The following GDPD5 variants were observed in gnomAD, a reference collection of about 807,000 sequenced individuals.
GDPD5 encodes the protein glycerophosphodiester phosphodiesterase domain containing 5.
A neutral mutation model predicts 75.1 loss-of-function variants in GDPD5; 48 were observed. That is an observed-to-expected ratio of 0.64 (90% CI 0.51 to 0.81). The LOEUF is 0.81. GDPD5 is among the 40% of genes least tolerant of loss of function. The pLI is 0.00. For missense variants in GDPD5, 706 were observed against 822.6 expected, an observed-to-expected ratio of 0.86 and a Z score of 1.73; for synonymous variants, 336 against 339.0, an observed-to-expected ratio of 0.99 and a Z score of 0.10.
chr11:75,457,671 C>A (rs1949313379), intron 5 of GDPD5, 22 bp downstream of exon 5: 1 of 1,610,458 alleles, frequency 6.2e-7, no homozygotes, highest in East Asian at 2.2e-5. Context: ...GGCCACCTGC[C>A]CTCCAAAACA....
intron 13 of GDPD5, 101 bp downstream of exon 13, chr11:75,441,545 T>G: frequency 2.4e-5 from 2 of 84,690 alleles, no homozygotes; most frequent in Non-Finnish European, 5.0e-5. Flanking sequence ...TGCCCGACCG[T>G]GTGTGTGTGT....
At chr11:75,477,554 C>T (rs1949804395) in intron 3 of GDPD5, 65 bp downstream of exon 3, 2 of 1,046,784 alleles carry the variant, frequency 1.9e-6, no homozygotes, top group Non-Finnish European at 2.7e-6. Flanking sequence ...TAAGACCCCT[C>T]CCCCAGCCCC....
In GDPD5 at chr11:75,435,490, G is replaced by A. The variant is rs528344017; in HGVS notation, c.*17C>T. 1.3e-6 allele frequency: 2 copies of A among 1,579,424 alleles called. No homozygotes were observed. The highest frequency in any genetic ancestry group is 2.2e-5 in the East Asian group (1 of 44,468). The stretch of plus-strand genomic sequence containing the variant: ...CAGCTTCTGTGTCAGGTACAGGTGG[G>A]ACAGACATGTCTTCAGCTAACGCCC... On this transcript the variant is annotated 3_prime_UTR_variant, in exon 17 of 17. Transcript: ENST00000336898.
At chr11:75,464,535 G>A (rs1949478479) in intron 3 of GDPD5, among the ~76,000 whole-genome samples, 1 of 152,198 alleles carries the variant, frequency 6.6e-6, no homozygotes, top group East Asian at 1.9e-4. Flanking sequence ...TCCCAGGTGG[G>A]TCACTTCAGT....
In GDPD5 at chr11:75,449,975, C is replaced by T. The variant is rs1439242309; in HGVS notation, c.384G>A (p.Leu128=). ...CCACCGTGGAAGCCAGGATGACCAC[C>T]AGCCCGATCTGGAGGGGGAAGAGTC... The part of the protein sequence containing the change: ...MNLHWLHKIG[L]VVILASTVVA... Residue 128 remains leucine (L), a synonymous_variant, in exon 7 of 17, where the codon CTG becomes CTA. Coordinates refer to ENST00000336898, the MANE Select transcript of GDPD5 (RefSeq NM_030792.8). The T allele has an allele frequency of 3.7e-6, 6 of 1,613,480 alleles. No homozygotes were observed. The highest frequency in any genetic ancestry group is 1.3e-5 in the African/African-American group (1 of 74,934).
chr11:75,467,708 C>G (rs992439585), intron 3 of GDPD5, among the ~76,000 whole-genome samples: 4 of 151,946 alleles, frequency 2.6e-5, no homozygotes, highest in Non-Finnish European at 5.9e-5. Context: ...GATTCCTGCC[C>G]GAGGGGATGG....
At position 75,440,027 on chromosome 11, in the gene GDPD5, G is replaced by C. The variant is rs1948743324; in HGVS notation, c.1474-66C>G. On this transcript the variant is annotated intron_variant, in intron 14 of 16. Coordinates refer to ENST00000336898, the MANE Select transcript of GDPD5 (RefSeq NM_030792.8). ...AGTCCAGACTGAGGCTCCAGACTGA[G>C]GGTCCGTGGACCAAAGGACCCCACA... 3.1e-6 allele frequency: 4 copies of C among 1,305,022 alleles called. No homozygotes were observed. In the Admixed American group the frequency reaches 7.6e-5, roughly 25 times the overall value. The allele number at this position is 1,305,022 out of a possible 1,614,324, so 80.8% of individuals were successfully genotyped here.
At chr11:75,448,432 G>T in intron 9 of GDPD5, 7 of 957,598 alleles carry the variant, frequency 7.3e-6, no homozygotes, top group Non-Finnish European at 8.7e-6. Flanking sequence ...CCCACAGCTG[G>T]TGAGGAGCTG....
At chr11:75,503,203 A>AC (rs1277981117) in intron 1 of GDPD5, among the ~76,000 whole-genome samples, 1 of 152,158 alleles carries the variant, frequency 6.6e-6, no homozygotes, top group Non-Finnish European at 1.5e-5. Context: ...TATTTTTAAT[A>AC]GAGATGGGGG....
intron 2 of GDPD5, among the ~76,000 whole-genome samples, chr11:75,487,323 A>G (rs1357758504): frequency 1.3e-5 from 2 of 152,336 alleles, no homozygotes; most frequent in African/African-American, 4.8e-5. Context: ...TGGAATCTGC[A>G]GAGAAGGTAA....
intron 2 of GDPD5, among the ~76,000 whole-genome samples, chr11:75,480,152 T>G (rs1949875712): frequency 6.6e-6 from 1 of 152,088 alleles, no homozygotes; most frequent in Non-Finnish European, 1.5e-5. Context: ...CTGACTAACA[T>G]GGTGAAACCC....
At chr11:75,477,889 C>T in intron 2 of GDPD5, 94 bp from the exon 3 acceptor site, 1 of 497,106 alleles carries the variant, frequency 2.0e-6, no homozygotes. Context: ...GGGAGGGTCA[C>T]CCCTGCTCAA....
chr11:75,518,050 C>G (rs1950681033), intron 1 of GDPD5, among the ~76,000 whole-genome samples: 1 of 152,154 alleles, frequency 6.6e-6, no homozygotes, highest in Admixed American at 6.5e-5. Context: ...GGTGTTGATC[C>G]CACCCTAACC....
chr11:75,465,108 T>C (rs1369546502), intron 3 of GDPD5, among the ~76,000 whole-genome samples: 1 of 152,198 alleles, frequency 6.6e-6, no homozygotes, highest in East Asian at 1.9e-4. Flanking sequence ...GGGTGAACCA[T>C]GTCTTTAGAC....
At chr11:75,455,613 C>A (rs1949269210) in intron 6 of GDPD5, among the ~76,000 whole-genome samples, 1 of 152,242 alleles carries the variant, frequency 6.6e-6, no homozygotes, top group African/African-American at 2.4e-5. Flanking sequence ...TGGAGTCATT[C>A]TGGCCCCATC....
At chr11:75,464,313 G>T (rs1949473660) in intron 3 of GDPD5, among the ~76,000 whole-genome samples, 1 of 152,230 alleles carries the variant, frequency 6.6e-6, no homozygotes, top group South Asian at 2.1e-4. Context: ...TAGTACTTAT[G>T]CCATGGGGTT....
At chr11:75,470,721 C>T (rs1949643415) in intron 3 of GDPD5, among the ~76,000 whole-genome samples, 1 of 152,086 alleles carries the variant, frequency 6.6e-6, no homozygotes, top group Non-Finnish European at 1.5e-5. Context: ...CATCTTAATC[C>T]ATCTGGAATT....
chr11:75,442,907 T>A lies in GDPD5; in HGVS notation c.948+229A>T. 3 of 620,716 alleles carry A rather than the reference T, an allele frequency of 4.8e-6. No homozygotes were observed. In the East Asian group the frequency reaches 8.2e-5, roughly 17 times the overall value. The allele number at this position is 620,716 out of a possible 1,614,324, so 38.5% of individuals were successfully genotyped here. ...TTAAGAATTCTATTCACTGCTCTCA[T>A]CCCTGTCAACCTTTTCTAGTGAGGG... On this transcript the variant is annotated intron_variant, in intron 11 of 16. Transcript: ENST00000336898.
intron 3 of GDPD5, among the ~76,000 whole-genome samples, chr11:75,469,755 G>A (rs1004879927): frequency 2.0e-5 from 3 of 152,204 alleles, no homozygotes; most frequent in African/African-American, 7.2e-5. Flanking sequence ...CAAGAGATTA[G>A]GACATTAGCA....
Sources: gnomAD v4.1 joint callset for allele counts (sites outside exome capture counted in the v4.1 genomes callset) on GRCh38, gnomAD v4.1.1 for gene constraint, MANE v1.5 for transcripts, NCBI Gene and HGNC (gene_info 2026-07-23, HGNC 2026-07-21) for gene names.